Variants in CDYL2 observed in about 807,000 individuals in gnomAD.
CDYL2 encodes chromodomain Y-like protein 2.
In CDYL2, 23 loss-of-function variants were observed where a neutral mutation model predicts 49.4. The observed-to-expected ratio is 0.47, with a 90% confidence interval of 0.34 to 0.66. CDYL2 has a LOEUF of 0.66. Among genes scored for constraint, CDYL2 ranks in the 30% least tolerant of loss-of-function variants. CDYL2 has a pLI of 0.01. For synonymous variants in CDYL2, 360 were observed against 268.8 expected (o/e 1.34, Z -3.32); for missense variants, 678 against 656.4 (o/e 1.03, Z -0.36).
At chr16:80,781,301 T>C (rs140593352) in intron 1 of CDYL2, among the ~76,000 whole-genome samples, 2 of 152,310 alleles carry the variant, frequency 1.3e-5, no homozygotes, top group Admixed American at 6.5e-5. Context: ...AATGATTTTT[T>C]TAAATACTAA....
intron 1 of CDYL2, among the ~76,000 whole-genome samples, chr16:80,746,706 G>T (rs908721058): frequency 1.2e-4 from 19 of 152,108 alleles, no homozygotes; most frequent in African/African-American, 4.6e-4. Context: ...CAGGTGTGAG[G>T]GTGTGGGGCA....
intron 3 of CDYL2, among the ~76,000 whole-genome samples, chr16:80,621,231 C>G (rs1907071642): frequency 6.6e-6 from 1 of 152,240 alleles, no homozygotes; most frequent in South Asian, 2.1e-4. Flanking sequence ...TCACTCAATC[C>G]TTGGTAAATC....
Position 80,600,275 on chromosome 16 carries a change from T to C in CDYL2, c.*4113A>G, listed in dbSNP as rs890694273. On this transcript the variant is annotated 3_prime_UTR_variant, in exon 7 of 7. Transcript: ENST00000570137. ...AAATTGGCACCAAACCAGTATGCTATTTTTCAAAAGAACAAGTGATATTAA... is the reference window on the plus strand; with the variant it reads ...AAATTGGCACCAAACCAGTATGCTACTTTTCAAAAGAACAAGTGATATTAA... The C allele has an allele frequency of 7.2e-5, 11 of 152,178 alleles. No individual in the cohort carries two copies. Among genetic ancestry groups the C allele is most frequent in the Admixed American group, 6.5e-5 (1 of 15,274 alleles). 9.4% of individuals were successfully genotyped at this position (152,178 alleles called of 1,614,324 possible).
intron 1 of CDYL2, among the ~76,000 whole-genome samples, chr16:80,777,921 ACACT>A (rs1004410545): frequency 7.2e-5 from 11 of 152,056 alleles, no homozygotes; most frequent in East Asian, 3.8e-4. Context: ...AAAATTCTAA[ACACT>A]CACAGCTGCT....
At chr16:80,780,900 G>A (rs1336443066) in intron 1 of CDYL2, among the ~76,000 whole-genome samples, 1 of 152,170 alleles carries the variant, frequency 6.6e-6, no homozygotes, top group East Asian at 1.9e-4. Flanking sequence ...CTGACCTGTA[G>A]ATGTTAATAA....
intron 2 of CDYL2, among the ~76,000 whole-genome samples, chr16:80,683,969 C>A (rs1398592441): frequency 1.3e-5 from 2 of 152,182 alleles, no homozygotes; most frequent in African/African-American, 4.8e-5. Context: ...TAAGACAGGA[C>A]CTAATATAGG....
intron 1 of CDYL2, among the ~76,000 whole-genome samples, chr16:80,782,530 G>GAAAA (rs1188248662): frequency 1.9e-3 from 68 of 35,668 alleles, no homozygotes; most frequent in Non-Finnish European, 2.7e-3. Flanking sequence ...GACATAAGGA[G>GAAAA]AAAAAAAAAA....
rs867951556 is a variant in CDYL2 at position 80,659,891 on chromosome 16, G to C, written c.616+24647C>G. Among the ~76,000 whole-genome samples, 3 of 151,918 alleles carry C rather than the reference G, an allele frequency of 2.0e-5. 1 individual carries two copies. The highest frequency in any genetic ancestry group is 7.2e-5 in the African/African-American group (3 of 41,438). ...AAAGAGCACTCTAAGTACCAAGCAG[G>C]ACACACAGACAAATAATATTAATGA... On this transcript the variant is annotated intron_variant, in intron 2 of 6. Coordinates refer to ENST00000570137, the MANE Select transcript of CDYL2 (RefSeq NM_152342.4).
At position 80,684,564 on chromosome 16, in the gene CDYL2, T is replaced by A; in HGVS notation, c.590A>T (p.His197Leu). ...GAGCCCGTTCTCCGCCAGTGTAGCG[T>A]GATTCACGTCACATTCACCCATATC... ...EQDMGECDVN[H>L]ATLAENGLGS... The change falls in exon 2 of 7, where the codon CAC becomes CTC. Residue 197 changes from histidine to leucine, a missense_variant. His to Leu is a moderately conservative substitution (Grantham distance 99). This residue lies in a region of CDYL2 where 478 missense variants were observed against 427.0 expected (regional missense o/e 1.12). Transcript: ENST00000570137. 6.2e-7 allele frequency: 1 copy of A among 1,614,016 alleles called. No individual in the cohort carries two copies.
At chr16:80,784,725 G>A (rs1211625227) in intron 1 of CDYL2, among the ~76,000 whole-genome samples, 1 of 152,192 alleles carries the variant, frequency 6.6e-6, no homozygotes, top group East Asian at 1.9e-4. Flanking sequence ...CAAGACAGAT[G>A]TGACTCTGTC....
intron 2 of CDYL2, among the ~76,000 whole-genome samples, chr16:80,638,127 T>G: frequency 6.6e-6 from 1 of 151,990 alleles, no homozygotes; most frequent in Non-Finnish European, 1.5e-5. Flanking sequence ...CAGGCTGGAG[T>G]ACAGTGCTGC....
Position 80,612,930 on chromosome 16 carries a change from C to T in CDYL2, c.1008-94G>A. The T allele has an allele frequency of 8.5e-7, 1 of 1,174,582 alleles. No homozygotes were observed. The allele number at this position is 1,174,582 out of a possible 1,614,324, so 72.8% of individuals were successfully genotyped here. On this transcript the variant is annotated intron_variant, in intron 4 of 6. Transcript: ENST00000570137. The surrounding 1 kb of genome is among the most constrained non-coding windows in gnomAD (Gnocchi z 5.0). Reference sequence around the variant, plus strand: ...TCTCCCAGGTGCTGTGAGGAGCACCCTCAGGTCGTCAGAGGTTAGAGGTGC... The same window carrying T: ...TCTCCCAGGTGCTGTGAGGAGCACCTTCAGGTCGTCAGAGGTTAGAGGTGC...
intron 1 of CDYL2, among the ~76,000 whole-genome samples, chr16:80,722,290 G>C (rs923285221): frequency 6.6e-6 from 1 of 152,152 alleles, no homozygotes; most frequent in East Asian, 1.9e-4. Context: ...TCTGGAGCAG[G>C]GCTGGGCACC....
intron 2 of CDYL2, among the ~76,000 whole-genome samples, chr16:80,660,170 T>TA (rs1479054117): frequency 6.6e-6 from 1 of 151,932 alleles, no homozygotes; most frequent in African/African-American, 2.4e-5. Flanking sequence ...CCACAGACTC[T>TA]AAAAAAATTA....
intron 1 of CDYL2, among the ~76,000 whole-genome samples, chr16:80,713,511 C>T (rs773700292): frequency 6.6e-6 from 1 of 152,120 alleles, no homozygotes; most frequent in Middle Eastern, 3.2e-3. Context: ...TCCCTCTGAA[C>T]CATTGATGAG....
intron 5 of CDYL2, among the ~76,000 whole-genome samples, chr16:80,611,577 G>C (rs1235910713): frequency 6.6e-6 from 1 of 152,204 alleles, no homozygotes; most frequent in Non-Finnish European, 1.5e-5. Flanking sequence ...TAACCCCTCA[G>C]ATGTGGGACC....
At chr16:80,669,627 G>C (rs901177572) in intron 2 of CDYL2, among the ~76,000 whole-genome samples, 1 of 152,170 alleles carries the variant, frequency 6.6e-6, no homozygotes, top group African/African-American at 2.4e-5. Context: ...CATCGAGAGA[G>C]GCCAAGCAGG....
At chr16:80,728,007 G>C (rs1905220155) in intron 1 of CDYL2, among the ~76,000 whole-genome samples, 1 of 152,214 alleles carries the variant, frequency 6.6e-6, no homozygotes, top group African/African-American at 2.4e-5. Flanking sequence ...GAAAAAAACA[G>C]AGCAGAAAAA....
intron 2 of CDYL2, among the ~76,000 whole-genome samples, chr16:80,659,705 T>C (rs935998111): frequency 1.3e-5 from 2 of 152,006 alleles, no homozygotes; most frequent in Admixed American, 6.5e-5. Flanking sequence ...GGGTCCTTCA[T>C]AGTTTTCTGT....
Sources: allele counts gnomAD v4.1 joint callset (sites outside exome capture counted in the v4.1 genomes callset), GRCh38; gene constraint gnomAD v4.1.1; regional missense constraint gnomAD v4.1.1; non-coding constraint Gnocchi (gnomAD v3.1); transcripts MANE v1.5; gene names NCBI Gene and HGNC (gene_info 2026-07-23, HGNC 2026-07-21).